The following RNGTT variants were observed in gnomAD, a reference collection of about 807,000 sequenced individuals.
RNGTT encodes RNA guanylyltransferase and 5'-phosphatase, also known as mRNA-capping enzyme.
A neutral mutation model predicts 79.3 loss-of-function variants in RNGTT; 33 were observed. The ratio of observed to expected loss-of-function variants is 0.42; its 90% confidence interval spans 0.32 to 0.56. The LOEUF is 0.56. RNGTT is among the 20% of genes least tolerant of loss of function. The pLI is 0.17. For synonymous variants in RNGTT, 222 were observed against 235.9 expected (o/e 0.94, Z 0.54); for missense variants, 497 against 739.1 (o/e 0.67, Z 3.80).
intron 14 of RNGTT, among the ~76,000 whole-genome samples, chr6:88,636,606 GA>G (rs1049274048): frequency 4.6e-5 from 7 of 150,840 alleles, no homozygotes; most frequent in Non-Finnish European, 8.9e-5. Flanking sequence ...AATTATTAAT[GA>G]TGGTATTATG....
chr6:88,641,265 T>C (rs1340751111), intron 14 of RNGTT, among the ~76,000 whole-genome samples: 1 of 149,982 alleles, frequency 6.7e-6, no homozygotes, highest in Non-Finnish European at 1.5e-5. Flanking sequence ...CTTGAACCCA[T>C]GAGGCGGAGG....
intron 10 of RNGTT, among the ~76,000 whole-genome samples, chr6:88,847,963 A>C (rs1322677455): frequency 6.6e-6 from 1 of 151,978 alleles, no homozygotes; most frequent in Non-Finnish European, 1.5e-5. Flanking sequence ...AATAAAAATA[A>C]ACCTCAGAAA....
chr6:88,873,045 A>G (rs1463811821), intron 8 of RNGTT, among the ~76,000 whole-genome samples: 1 of 152,198 alleles, frequency 6.6e-6, no homozygotes, highest in Non-Finnish European at 1.5e-5. Context: ...TCTTCTCTAA[A>G]GAAACTGAAA....
At chr6:88,785,420 G>T (rs914888743) in intron 12 of RNGTT, among the ~76,000 whole-genome samples, 4 of 151,904 alleles carry the variant, frequency 2.6e-5, no homozygotes, top group African/African-American at 9.7e-5. Context: ...ACTTGAAAAT[G>T]ATGTTTTGCT....
rs183475379 is a variant in RNGTT at position 88,924,119 on chromosome 6, C to G, written c.367+4866G>C. 6.6e-5 allele frequency among the ~76,000 whole-genome samples: 10 copies of G among 152,330 alleles called. No individual in the cohort carries two copies. The East Asian group carries it at 1.7e-3, about 26-fold the overall frequency. On this transcript the variant is annotated intron_variant, in intron 4 of 15. Coordinates refer to ENST00000369485, the MANE Select transcript of RNGTT (RefSeq NM_003800.5). ...GCTTCGCATGAGGAGGTGACAAGAA[C>G]TTTAGGCTGGTCCCCCAACATGCCA...
chr6:88,644,345 T>C (rs1464509514), intron 14 of RNGTT, among the ~76,000 whole-genome samples: 1 of 152,040 alleles, frequency 6.6e-6, no homozygotes, highest in Non-Finnish European at 1.5e-5. Context: ...GGCTCTGAAA[T>C]TGAGGCAATA....
At chr6:88,918,842 T>G (rs6905792) in intron 4 of RNGTT, among the ~76,000 whole-genome samples, 3,331 of 152,312 alleles carry the variant, frequency 0.022, 122 homozygotes, top group African/African-American at 0.076. Flanking sequence ...ATTTCAACTT[T>G]CGATGTTTCT....
At chr6:88,659,140 T>C (rs1018490451) in intron 14 of RNGTT, among the ~76,000 whole-genome samples, 3 of 152,194 alleles carry the variant, frequency 2.0e-5, no homozygotes, top group Admixed American at 6.5e-5. Flanking sequence ...GATAAAAGAA[T>C]CTGAACAGCA....
At chr6:88,653,890 T>C (rs773786479) in intron 14 of RNGTT, among the ~76,000 whole-genome samples, 1 of 152,230 alleles carries the variant, frequency 6.6e-6, no homozygotes, top group African/African-American at 2.4e-5. Flanking sequence ...TTTTGATAAG[T>C]TGTCTAAGGA....
chr6:88,771,909 G>A (rs1464885556), intron 12 of RNGTT, among the ~76,000 whole-genome samples: 5 of 152,162 alleles, frequency 3.3e-5, no homozygotes, highest in African/African-American at 4.8e-5. Context: ...TAGGCACGGT[G>A]GCTCACGCCT....
At chr6:88,627,091 TC>T (rs1772662510) in intron 14 of RNGTT, among the ~76,000 whole-genome samples, 1 of 152,126 alleles carries the variant, frequency 6.6e-6, no homozygotes, top group African/African-American at 2.4e-5. Flanking sequence ...AACACTTTTT[TC>T]TTTATAGTTA....
intron 13 of RNGTT, among the ~76,000 whole-genome samples, chr6:88,738,653 A>T (rs7739179): frequency 0.13 from 19,765 of 152,084 alleles, 1,458 homozygotes; most frequent in Middle Eastern, 0.23. Flanking sequence ...CTCAAAACAT[A>T]AATAAATAAA....
intron 14 of RNGTT, among the ~76,000 whole-genome samples, chr6:88,649,667 C>A (rs187891945): frequency 5.9e-4 from 90 of 151,486 alleles, no homozygotes; most frequent in African/African-American, 2.1e-3. Flanking sequence ...ACTGCACTCC[C>A]GCCTGGGTGA....
At chr6:88,950,747 G>A (rs62429047) in intron 1 of RNGTT, among the ~76,000 whole-genome samples, 14,692 of 152,130 alleles carry the variant, frequency 0.097, 925 homozygotes, top group Middle Eastern at 0.21. Context: ...TGGGAGAATC[G>A]CTTGAACCCA....
At chr6:88,957,193 G>GTACC (rs982422599) in intron 1 of RNGTT, among the ~76,000 whole-genome samples, 17 of 152,108 alleles carry the variant, frequency 1.1e-4, no homozygotes, top group Admixed American at 4.6e-4. Context: ...CAGAAGGGAC[G>GTACC]TACCTCAAGG....
intron 10 of RNGTT, among the ~76,000 whole-genome samples, chr6:88,847,472 T>C (rs1463486077): frequency 6.6e-6 from 1 of 152,166 alleles, no homozygotes; most frequent in African/African-American, 2.4e-5. Flanking sequence ...GGCCCTGATT[T>C]GGTGATACAA....
At chr6:88,774,177 C>G (rs958920560) in intron 12 of RNGTT, among the ~76,000 whole-genome samples, 1 of 151,660 alleles carries the variant, frequency 6.6e-6, no homozygotes, top group African/African-American at 2.4e-5. Flanking sequence ...AACATTTCTC[C>G]AAGGAAGATA....
intron 10 of RNGTT, among the ~76,000 whole-genome samples, chr6:88,846,741 CAG>C (rs1781497054): frequency 2.1e-5 from 3 of 145,880 alleles, no homozygotes; most frequent in South Asian, 4.3e-4. Context: ...GCCTGGGTGA[CAG>C]AGGAAGACTG....
At chr6:88,832,958 C>T (rs576669182) in intron 11 of RNGTT, among the ~76,000 whole-genome samples, 4 of 152,222 alleles carry the variant, frequency 2.6e-5, no homozygotes, top group East Asian at 3.9e-4. Flanking sequence ...GAAATAGGAA[C>T]GCTTTTACAC....
Sources: allele counts gnomAD v4.1 joint callset (sites outside exome capture counted in the v4.1 genomes callset), GRCh38; gene constraint gnomAD v4.1.1; transcripts MANE v1.5; gene names NCBI Gene and HGNC (gene_info 2026-07-23, HGNC 2026-07-21).